UGT1A10: variants seen among roughly 807,000 people sequenced by gnomAD.
UGT1A10 encodes the protein UDP-glucuronosyltransferase 1A10.
In UGT1A10, 49 loss-of-function variants were observed where a neutral mutation model predicts 45.8. That is an observed-to-expected ratio of 1.07 (90% CI 0.85 to 1.36). The LOEUF is 1.36. Among genes scored for constraint, UGT1A10 ranks in the 40% most tolerant of loss-of-function variants. UGT1A10 has a pLI of 0.00. For synonymous variants in UGT1A10, 284 were observed against 249.7 expected (o/e 1.14, Z -1.29); for missense variants, 745 against 668.6 (o/e 1.11, Z -1.26).
chr2:233,690,954 G>T lies in UGT1A10; in HGVS notation c.855+53577G>T, dbSNP rs2075022883. The stretch of plus-strand genomic sequence containing the variant: ...CTTCCTCCAACTCATGTTCTGTAGG[G>T]ACTTCTGGGACTAAGAACAGGACCC... On this transcript the variant is annotated intron_variant, in intron 1 of 4. Transcript: ENST00000344644. 9.9e-6 allele frequency: 10 copies of T among 1,008,082 alleles called. No homozygotes were observed. The South Asian group carries it at 1.3e-4, about 13-fold the overall frequency. 62.4% of individuals were successfully genotyped at this position (1,008,082 alleles called of 1,614,324 possible).
At chr2:233,715,712 C>T (rs1385583462) in intron 1 of UGT1A10, among the ~76,000 whole-genome samples, 1 of 152,152 alleles carries the variant, frequency 6.6e-6, no homozygotes, top group Admixed American at 6.5e-5. Context: ...GTGGAGGCTG[C>T]AGTGTGCCAT....
At chr2:233,767,000 A>C (rs750045241) in intron 1 of UGT1A10, 34 bp from the exon 2 acceptor site, 2 of 1,613,618 alleles carry the variant, frequency 1.2e-6, no homozygotes, top group Non-Finnish European at 1.7e-6. Flanking sequence ...GAATATGAGA[A>C]AAAATTAACT....
rs1418163617 is a variant in UGT1A10, at chr2:233,636,470, C to T, written c.-53C>T. 2 of 1,567,058 alleles carry T rather than the reference C, an allele frequency of 1.3e-6. No individual in the cohort carries two copies. Among genetic ancestry groups the T allele is most frequent in the East Asian group, 4.5e-5 (2 of 44,474 alleles). On this transcript the variant is annotated 5_prime_UTR_variant, in exon 1 of 5. Coordinates refer to ENST00000344644, the MANE Select transcript of UGT1A10 (RefSeq NM_019075.4). ...TTTGTGCCTGTACTTCTTCCGCCTACTGTATCATAGCAGCTTAGAATCCCA... is the reference window on the plus strand; with the variant it reads ...TTTGTGCCTGTACTTCTTCCGCCTATTGTATCATAGCAGCTTAGAATCCCA...
intron 1 of UGT1A10, chr2:233,755,041 A>T (rs1695713138): frequency 2.3e-6 from 3 of 1,323,402 alleles, no homozygotes; most frequent in African/African-American, 1.5e-5. Flanking sequence ...CCGCCTGCGC[A>T]GCCGCCCTCC....
At chr2:233,683,218 T>C (rs1188153474) in intron 1 of UGT1A10, among the ~76,000 whole-genome samples, 1 of 152,202 alleles carries the variant, frequency 6.6e-6, no homozygotes, top group African/African-American at 2.4e-5. Context: ...ATTTTATCAA[T>C]ATAAAATCTA....
intron 1 of UGT1A10, among the ~76,000 whole-genome samples, chr2:233,766,326 C>A (rs192391946): frequency 2.6e-5 from 4 of 152,238 alleles, no homozygotes; most frequent in Non-Finnish European, 4.4e-5. Flanking sequence ...CCAAACTCCG[C>A]GTTGTTCTGC....
At chr2:233,710,700 T>C (rs1342803924) in intron 1 of UGT1A10, among the ~76,000 whole-genome samples, 2 of 152,204 alleles carry the variant, frequency 1.3e-5, no homozygotes, top group Non-Finnish European at 2.9e-5. Flanking sequence ...TGGTGTGTGG[T>C]GTCCTTTGTT....
At chr2:233,678,286 C>T (rs1462212893) in intron 1 of UGT1A10, among the ~76,000 whole-genome samples, 2 of 152,168 alleles carry the variant, frequency 1.3e-5, no homozygotes, top group African/African-American at 4.8e-5. Context: ...GTAACCTGCA[C>T]ATGTACTCCT....
chr2:233,745,338 A>T lies in UGT1A10; in HGVS notation c.856-21696A>T, dbSNP rs565612187. Among the ~76,000 whole-genome samples, 7 of 151,968 alleles carry T rather than the reference A, an allele frequency of 4.6e-5. No individual in the cohort carries two copies. The East Asian group carries it at 1.2e-3, about 25-fold the overall frequency. ...CCACTAGAACTGCTATATCATGACC[A>T]TGAATTTTGGGGGAATTTTTTTGAG... On this transcript the variant is annotated intron_variant, in intron 1 of 4. Transcript: ENST00000344644.
chr2:233,652,020 C>G (rs1419984267), intron 1 of UGT1A10, among the ~76,000 whole-genome samples: 3 of 152,152 alleles, frequency 2.0e-5, no homozygotes, highest in Admixed American at 1.3e-4. Flanking sequence ...CACTGCCAGG[C>G]TTTTTTAGTT....
chr2:233,731,753 A>G (rs950237110), intron 1 of UGT1A10, among the ~76,000 whole-genome samples: 2 of 152,194 alleles, frequency 1.3e-5, no homozygotes, highest in Non-Finnish European at 2.9e-5. Context: ...ATACGTGTGC[A>G]TGTGTCCTTA....
intron 1 of UGT1A10, among the ~76,000 whole-genome samples, chr2:233,720,939 G>T (rs28899186): frequency 0.081 from 11,996 of 147,890 alleles, 613 homozygotes; most frequent in East Asian, 0.2. Context: ...TTGAACTCCT[G>T]ACCTCATGTG....
chr2:233,713,818 T>C lies in UGT1A10; in HGVS notation c.856-53216T>C, dbSNP rs147668404. 307 of 1,614,106 alleles carry C rather than the reference T, an allele frequency of 1.9e-4. 1 individual carries two copies. The highest frequency in any genetic ancestry group is 2.1e-4 in the Non-Finnish European group (243 of 1,179,982). On this transcript the variant is annotated intron_variant, in intron 1 of 4. Transcript: ENST00000344644. ...CCGATCATGCCCAACATGGTCTTCA[T>C]TGGGGGCATCAACTGTGCCAACGGG...
At position 233,767,045 on chromosome 2, in the gene UGT1A10, CT is replaced by C. The variant is rs756697968; in HGVS notation, c.868del (p.Tyr290ThrfsTer73). On this transcript the variant is annotated frameshift_variant, in exon 2 of 5. Coordinates refer to ENST00000344644, the MANE Select transcript of UGT1A10 (RefSeq NM_019075.4). LOFTEE classifies it high-confidence loss of function. The part of the protein sequence containing the change: ...GKPLPMEFEA[Y>X]INASGEHGIV... The stretch of plus-strand genomic sequence containing the variant: ...TCTTCTGGCTCTAGGAATTTGAAGC[CT>C]ACATTAATGCTTCTGGAGAACATGG... 7.4e-6 allele frequency: 12 copies of C among 1,613,888 alleles called. No homozygotes were observed. The highest frequency in any genetic ancestry group is 9.3e-6 in the Non-Finnish European group (11 of 1,179,996).
At chr2:233,765,894 C>A (rs527736361) in intron 1 of UGT1A10, among the ~76,000 whole-genome samples, 1 of 152,060 alleles carries the variant, frequency 6.6e-6, no homozygotes, top group Non-Finnish European at 1.5e-5. Flanking sequence ...CAGTGCGCCA[C>A]TGCTCAAACC....
chr2:233,712,533 T>C (rs1374295452), intron 1 of UGT1A10, among the ~76,000 whole-genome samples: 1 of 152,156 alleles, frequency 6.6e-6, no homozygotes, highest in Non-Finnish European at 1.5e-5. Flanking sequence ...GTGTTACCCA[T>C]ATGTGGGAAG....
At chr2:233,694,271 TGTGAGC>T (rs1439131149) in intron 1 of UGT1A10, among the ~76,000 whole-genome samples, 4 of 151,934 alleles carry the variant, frequency 2.6e-5, no homozygotes, top group Non-Finnish European at 4.4e-5. Flanking sequence ...AACTACAGCC[TGTGAGC>T]CCAATCTGCC....
In UGT1A10 at chr2:233,636,858, A is replaced by G. The variant is rs369963685; in HGVS notation, c.336A>G (p.Ser112=). Residue 112 remains serine (S), a synonymous_variant, in exon 1 of 5, where the codon TCA becomes TCG. Coordinates refer to ENST00000344644, the MANE Select transcript of UGT1A10 (RefSeq NM_019075.4). ...GTATATTTTCTCTATTAATGAGTTCATCCAGTGGTTTTCTTGACTTATTTT... is the reference window on the plus strand; with the variant it reads ...GTATATTTTCTCTATTAATGAGTTCGTCCAGTGGTTTTCTTGACTTATTTT... ...AQSIFSLLMS[S]SSGFLDLFFS... 3.7e-6 allele frequency: 6 copies of G among 1,614,194 alleles called. No homozygotes were observed. In the South Asian group the frequency reaches 6.6e-5, roughly 18 times the overall value.
At position 233,769,030 on chromosome 2, in the gene UGT1A10, A is replaced by G. The variant is rs1369352074; in HGVS notation, c.1295+591A>G. 1.3e-5 allele frequency among the ~76,000 whole-genome samples: 2 copies of G among 152,206 alleles called. No homozygotes were observed. Among genetic ancestry groups the G allele is most frequent in the African/African-American group, 4.8e-5 (2 of 41,454 alleles). On this transcript the variant is annotated intron_variant, in intron 4 of 4. Transcript: ENST00000344644. The surrounding 1 kb of genome is among the most constrained non-coding windows in gnomAD (Gnocchi z 4.4). ...CCAATTTACATAAAAAGTTGCCATAATAGACATCTGATCCATAAGTTTCCT... is the reference window on the plus strand; with the variant it reads ...CCAATTTACATAAAAAGTTGCCATAGTAGACATCTGATCCATAAGTTTCCT...
Sources: gnomAD v4.1 joint callset for allele counts (sites outside exome capture counted in the v4.1 genomes callset) on GRCh38, gnomAD v4.1.1 for gene constraint, Gnocchi (gnomAD v3.1) non-coding constraint, MANE v1.5 for transcripts, NCBI Gene and HGNC (gene_info 2026-07-23, HGNC 2026-07-21) for gene names.